IZUMO1R: variants seen among roughly 807,000 people sequenced by gnomAD.
IZUMO1R encodes the protein sperm-egg fusion protein Juno.
Under a neutral mutation model 22.1 loss-of-function variants are expected in IZUMO1R, and 24 were observed. The ratio of observed to expected loss-of-function variants is 1.09; its 90% confidence interval spans 0.79 to 1.53. The LOEUF (loss-of-function observed/expected upper bound fraction) is 1.53, where lower values mean the gene tolerates loss of function less well. Among genes scored for constraint, IZUMO1R ranks in the 40% most tolerant of loss-of-function variants. The pLI is 0.00. For missense variants in IZUMO1R, 308 were observed against 314.9 expected, an observed-to-expected ratio of 0.98 and a Z score of 0.17; for synonymous variants, 133 against 121.2, an observed-to-expected ratio of 1.10 and a Z score of -0.64.
At chr11:94,305,592 G>A (rs1201441277) in intron 1 of IZUMO1R, 39 bp from the exon 2 acceptor site, 1 of 1,606,976 alleles carries the variant, frequency 6.2e-7, no homozygotes, top group Non-Finnish European at 8.5e-7. Context: ...GGAGTGGGGT[G>A]TCATTTCCAT....
At position 94,306,579 on chromosome 11, in the gene IZUMO1R, T is replaced by C. The variant is rs1194850805; in HGVS notation, c.205T>C (p.Ser69Pro). 6.2e-7 allele frequency: 1 copy of C among 1,613,826 alleles called. No homozygotes were observed. Among genetic ancestry groups the C allele is most frequent in the Non-Finnish European group, 8.5e-7 (1 of 1,179,866 alleles). ...AAGCTGGGAAGCCCATCTGGATGTA[T>C]CCCCACTCTACAACTTCAGCCTGTT... ...TTSWEAHLDV[S>P]PLYNFSLFHC... is the part of the protein sequence containing the mutation. Residue 69 changes from serine (S) to proline (P), a missense_variant, in exon 3 of 5, where the codon TCC becomes CCC. By Grantham distance (74) the Ser-to-Pro change is moderately conservative. Coordinates refer to ENST00000687084, the MANE Select transcript of IZUMO1R (RefSeq NM_001199206.4).
In IZUMO1R at chr11:94,307,763, T is replaced by A. The variant is rs1029823080; in HGVS notation, c.*71T>A. Reference sequence around the variant, plus strand: ...GGGTCAGGCCAGGCCATGGCCTACCTCCTTCCTCAGGCCCTCCCCTAAAAG... The same window carrying A: ...GGGTCAGGCCAGGCCATGGCCTACCACCTTCCTCAGGCCCTCCCCTAAAAG... On this transcript the variant is annotated 3_prime_UTR_variant, in exon 5 of 5. Coordinates refer to ENST00000687084, the MANE Select transcript of IZUMO1R (RefSeq NM_001199206.4). The A allele has an allele frequency of 7.2e-6, 11 of 1,522,736 alleles. No homozygotes were observed. In the African/African-American group the frequency reaches 1.2e-4, roughly 17 times the overall value. The allele number at this position is 1,522,736 out of a possible 1,614,324, so 94.3% of individuals were successfully genotyped here. A position where few individuals can be genotyped will look rare whatever the true frequency, so the allele number is the denominator to read the frequency against.
chr11:94,306,619 T>A lies in IZUMO1R; in HGVS notation c.245T>A (p.Leu82Gln). 1 of 1,614,034 alleles carries A rather than the reference T, an allele frequency of 6.2e-7. No individual in the cohort carries two copies. Among genetic ancestry groups the A allele is most frequent in the Non-Finnish European group, 8.5e-7 (1 of 1,179,894 alleles). The change falls in exon 3 of 5, where the codon CTG becomes CAG. Residue 82 changes from leucine (L) to glutamine (Q), a missense_variant. Transcript: ENST00000687084. ...YNFSLFHCGL[L>Q]MPGCRKHFIQ... ...TTCAGCCTGTTTCACTGTGGACTGC[T>A]GATGCCTGGCTGTCGGAAGCACTTC...
At position 94,306,669 on chromosome 11, in the gene IZUMO1R, T is replaced by C; in HGVS notation, c.295T>C (p.Cys99Arg). ...CATCCAGGCTATCTGCTTCTATGAGTGCTCCCCAAACCTGGGGCCCTGGAT... is the reference window on the plus strand; with the variant it reads ...CATCCAGGCTATCTGCTTCTATGAGCGCTCCCCAAACCTGGGGCCCTGGAT... ...HFIQAICFYE[C>R]SPNLGPWIQP... The change falls in exon 3 of 5, where the codon TGC (cysteine) becomes CGC (arginine). Residue 99 changes from cysteine to arginine, a missense_variant. Physicochemically the swap from Cys to Arg is radical, Grantham distance 180 (BLOSUM62 -3). Transcript: ENST00000687084. 2 of 1,613,984 alleles carry C rather than the reference T, an allele frequency of 1.2e-6. No individual in the cohort carries two copies. The highest frequency in any genetic ancestry group is 1.7e-6 in the Non-Finnish European group (2 of 1,179,880).
chr11:94,304,834 CA>C lies in IZUMO1R; in HGVS notation c.-51del, dbSNP rs1350532207. ...GGAACTCCCCTCAGCCTCATAGTCTCAGGGGGAGGAGGGAGCAGGAGCACCT... is the reference window on the plus strand; with the variant it reads ...GGAACTCCCCTCAGCCTCATAGTCTCGGGGGAGGAGGGAGCAGGAGCACCT... On this transcript the variant is annotated 5_prime_UTR_variant, in exon 1 of 5. It introduces an in-frame stop codon into an upstream open reading frame of the 5' UTR. Transcript: ENST00000687084. Among the ~76,000 whole-genome samples the C allele has an allele frequency of 3.9e-5, 6 of 152,262 alleles. No individual in the cohort carries two copies. The South Asian group carries it at 1.2e-3, about 32-fold the overall frequency.
chr11:94,306,768 A>G, intron 3 of IZUMO1R, 46 bp downstream of exon 3: 4 of 1,569,020 alleles, frequency 2.5e-6, no homozygotes, highest in Non-Finnish European at 3.5e-6. Context: ...ATTAACAGCC[A>G]GAGCTTTCAC....
chr11:94,307,270 A>T lies in IZUMO1R; in HGVS notation c.454A>T (p.Asn152Tyr). Residue 152 changes from asparagine (N) to tyrosine (Y), a missense_variant, in exon 4 of 5, where the codon AAC becomes TAC. Coordinates refer to ENST00000687084, the MANE Select transcript of IZUMO1R (RefSeq NM_001199206.4). ...TCGCATGTCTTACACATGCAAATCC[A>T]ACTGGCGTGGTGGCTGGGACTGGAG... Reference protein sequence around the residue: ...DCRMSYTCKSNWRGGWDWSQG... With the variant: ...DCRMSYTCKSYWRGGWDWSQG... The T allele has an allele frequency of 6.2e-7, 1 of 1,612,388 alleles. No homozygotes were observed. The highest frequency in any genetic ancestry group is 8.5e-7 in the Non-Finnish European group (1 of 1,179,306).
chr11:94,306,564 G>A lies in IZUMO1R; in HGVS notation c.190G>A (p.Ala64Thr). Reference protein sequence around the residue: ...ACCTLTTSWEAHLDVSPLYNF... With the variant: ...ACCTLTTSWETHLDVSPLYNF... ...CTGCACCCTCACGACAAGCTGGGAA[G>A]CCCATCTGGATGTATCCCCACTCTA... Residue 64 changes from alanine (A) to threonine (T), a missense_variant, in exon 3 of 5, where the codon GCC (alanine) becomes ACC (threonine). Coordinates refer to ENST00000687084, the MANE Select transcript of IZUMO1R (RefSeq NM_001199206.4). 6.2e-7 allele frequency: 1 copy of A among 1,613,980 alleles called. No individual in the cohort carries two copies. The highest frequency in any genetic ancestry group is 1.1e-5 in the South Asian group (1 of 91,070).
chr11:94,307,815 C>A lies in IZUMO1R; in HGVS notation c.*123C>A. 2.3e-6 allele frequency: 1 copy of A among 444,080 alleles called. No homozygotes were observed. Among genetic ancestry groups the A allele is most frequent in the Admixed American group, 4.3e-5 (1 of 23,020 alleles). The allele number at this position is 444,080 out of a possible 1,614,324, so 27.5% of individuals were successfully genotyped here. ...AGTGGCATGGGCTAGGGACTGCAGT[C>A]CCACCCAGTCTAGCCCATGCCACTG... is the stretch of plus-strand genomic sequence containing the variant. On this transcript the variant is annotated 3_prime_UTR_variant, in exon 5 of 5. Transcript: ENST00000687084.
At position 94,304,614 on chromosome 11, in the gene IZUMO1R, A is replaced by G. The variant is rs1196121313; in HGVS notation, c.-272A>G. ...TAGTAAGTAGCAGAGCTGACAGCCG[A>G]ACCCGGTAACTTATTGTAGAGCCCC... On this transcript the variant is annotated 5_prime_UTR_variant, in exon 1 of 5. Transcript: ENST00000687084. Among the ~76,000 whole-genome samples the G allele has an allele frequency of 6.6e-6, 1 of 152,166 alleles. No homozygotes were observed. Among genetic ancestry groups the G allele is most frequent in the Non-Finnish European group, 1.5e-5 (1 of 68,028 alleles).
Position 94,307,557 on chromosome 11 carries a change from T to G in IZUMO1R, c.618T>G (p.Cys206Trp), listed in dbSNP as rs1045561210. ...ASPERRNSGR[C>W]LQKWFEPAQG... ...CTGAGCGACGGAACAGTGGGCGGTG[T>G]CTCCAGAAGTGGTTTGAGCCTGCTC... Residue 206 changes from cysteine to tryptophan, a missense_variant, in exon 5 of 5, where the codon TGT becomes TGG. Transcript: ENST00000687084. 1.9e-6 allele frequency: 3 copies of G among 1,613,626 alleles called. No individual in the cohort carries two copies. The African/African-American group carries it at 4.0e-5, about 22-fold the overall frequency.
chr11:94,306,823 G>T (rs1038002874), intron 3 of IZUMO1R, 101 bp downstream of exon 3: 1 of 1,209,496 alleles, frequency 8.3e-7, no homozygotes, highest in African/African-American at 1.5e-5. Flanking sequence ...GGAACAGGAG[G>T]TGTTATTTCC....
In IZUMO1R at chr11:94,307,160, C is replaced by A. The variant is rs1363310640; in HGVS notation, c.349-5C>A. 3 of 1,590,056 alleles carry A rather than the reference C, an allele frequency of 1.9e-6. No homozygotes were observed. The highest frequency in any genetic ancestry group is 2.6e-6 in the Non-Finnish European group (3 of 1,167,952). On this transcript the variant is annotated splice_polypyrimidine_tract_variant and splice_region_variant and intron_variant, in intron 3 of 4. Transcript: ENST00000687084. ...GTTCTAATCTCTGGCTATGACTGCA[C>A]CCAGGTGGCCCCGAGTGGGCAGGGA...
At position 94,306,504 on chromosome 11, in the gene IZUMO1R, T is replaced by C; in HGVS notation, c.139-9T>C. 1 of 1,613,674 alleles carries C rather than the reference T, an allele frequency of 6.2e-7. No individual in the cohort carries two copies. Among genetic ancestry groups the C allele is most frequent in the Non-Finnish European group, 8.5e-7 (1 of 1,179,654 alleles). ...TGCCTGGGCCTTTTGTTTCTTCCTC[T>C]GCCTTCAGTGCATCCCCTGGAAGGA... On this transcript the variant is annotated splice_polypyrimidine_tract_variant and intron_variant, in intron 2 of 4. Transcript: ENST00000687084.
At chr11:94,306,174 C>A (rs1437368130) in intron 2 of IZUMO1R, among the ~76,000 whole-genome samples, 1 of 151,972 alleles carries the variant, frequency 6.6e-6, no homozygotes, top group Non-Finnish European at 1.5e-5. Context: ...ACCCTCCCAC[C>A]CAATGCAACC....
At chr11:94,305,418 G>A (rs1388932610) in intron 1 of IZUMO1R, among the ~76,000 whole-genome samples, 5 of 152,186 alleles carry the variant, frequency 3.3e-5, no homozygotes, top group African/African-American at 1.2e-4. Context: ...GGGCCAGCAA[G>A]GCCTCCAGCA....
rs1475319154 is a variant in IZUMO1R at position 94,307,848 on chromosome 11, G to C, written c.*156G>C. ...GTCTAGCCCATGCCACTGCTTTTAG[G>C]GGAGGGCCTGAGGAAGGAAGTGCCC... On this transcript the variant is annotated 3_prime_UTR_variant, in exon 5 of 5. Coordinates refer to ENST00000687084, the MANE Select transcript of IZUMO1R (RefSeq NM_001199206.4). 4.8e-6 allele frequency: 1 copy of C among 210,466 alleles called. No individual in the cohort carries two copies. Among genetic ancestry groups the C allele is most frequent in the Admixed American group, 5.9e-5 (1 of 16,976 alleles). The allele number at this position is 210,466 out of a possible 1,614,324, so 13.0% of individuals were successfully genotyped here. A position where few individuals can be genotyped will look rare whatever the true frequency, so the allele number is the denominator to read the frequency against.
In IZUMO1R at chr11:94,306,681, C is replaced by G. The variant is rs757952228; in HGVS notation, c.307C>G (p.Leu103Val). The change falls in exon 3 of 5, where the codon CTG becomes GTG. Residue 103 changes from leucine to valine, a missense_variant. Leu to Val is a conservative substitution (Grantham distance 32). Transcript: ENST00000687084. Reference protein sequence around the residue: ...AICFYECSPNLGPWIQPVGSL... With the variant: ...AICFYECSPNVGPWIQPVGSL... ...CTGCTTCTATGAGTGCTCCCCAAAC[C>G]TGGGGCCCTGGATCCAGCCAGTGGG... The G allele has an allele frequency of 2.5e-6, 4 of 1,613,880 alleles. No individual in the cohort carries two copies. Among genetic ancestry groups the G allele is most frequent in the Non-Finnish European group, 3.4e-6 (4 of 1,179,892 alleles).
In IZUMO1R at chr11:94,305,541, G is replaced by T. The variant is rs1944006033; in HGVS notation, c.-6-90G>T. 2.7e-6 allele frequency: 4 copies of T among 1,454,588 alleles called. No individual in the cohort carries two copies. The East Asian group carries it at 6.9e-5, about 25-fold the overall frequency. 90.1% of individuals were successfully genotyped at this position (1,454,588 alleles called of 1,614,324 possible). The stretch of plus-strand genomic sequence containing the variant: ...TTGCAATTATTTGAGGGAGATTGAA[G>T]CCCATCCCCCTTTCCCAGTGCCTGC... On this transcript the variant is annotated intron_variant, in intron 1 of 4. Transcript: ENST00000687084.
Sources: allele counts gnomAD v4.1 joint callset (sites outside exome capture counted in the v4.1 genomes callset), GRCh38; gene constraint gnomAD v4.1.1; transcripts MANE v1.5; gene names NCBI Gene and HGNC (gene_info 2026-07-23, HGNC 2026-07-21).